Variants in KRT9 observed in about 807,000 individuals in gnomAD.
KRT9 encodes keratin, type I cytoskeletal 9.
Under a neutral mutation model 51.4 loss-of-function variants are expected in KRT9, and 34 were observed. The observed-to-expected ratio is 0.66, with a 90% confidence interval of 0.50 to 0.88. KRT9 has a LOEUF of 0.88. Ranked by LOEUF, KRT9 falls within the 40% of genes least tolerant of loss-of-function variation. The pLI, the probability that KRT9 is intolerant of heterozygous loss-of-function variation, is 0.00. For missense variants in KRT9, 753 were observed against 790.3 expected (o/e 0.95, Z 0.57); for synonymous variants, 292 against 289.7 (o/e 1.01, Z -0.08).
chr17:41,570,084 G>T, intron 2 of KRT9, 54 bp downstream of exon 2: 1 of 1,612,418 alleles, frequency 6.2e-7, no homozygotes, highest in South Asian at 1.1e-5. Context: ...CCAGAGCACT[G>T]AGGTTCAGGG....
In KRT9 at chr17:41,567,492, ACTATGACCACCTCCACTTCCTCCG is replaced by A. The variant is rs1567731146; in HGVS notation, c.1629_1652del (p.Gly549_Gly556del). ...CTCCATAGTTGCCCCCACTTCCTCC[ACTATGACCACCTCCACTTCCTCCG>A]CTATGGCCACCTCCACTTCCTCCAC... On this transcript the variant is annotated inframe_deletion, in exon 7 of 8. Transcript: ENST00000246662. 5.8e-6 allele frequency: 9 copies of A among 1,547,140 alleles called. No homozygotes were observed. Among genetic ancestry groups the A allele is most frequent in the Non-Finnish European group, 7.9e-6 (9 of 1,146,360 alleles).
rs752868539 is a variant in KRT9 at position 41,571,713 on chromosome 17, A to T, written c.280T>A (p.Ser94Thr). 3.2e-5 allele frequency: 51 copies of T among 1,610,734 alleles called. No individual in the cohort carries two copies. Among genetic ancestry groups the T allele is most frequent in the Non-Finnish European group, 4.2e-5 (49 of 1,178,586 alleles). The change falls in exon 1 of 8, where the codon TCC (serine) becomes ACC (threonine). Residue 94 changes from serine (S) to threonine (T), a missense_variant. By Grantham distance (58) the Ser-to-Thr change is moderately conservative (BLOSUM62 1). Transcript: ENST00000246662. The stretch of plus-strand genomic sequence containing the variant: ...CCAGAAGCACCACCAAAACCTCTGG[A>T]ACCACCCCCAAAGCCACCGCCTAAA... ...SSLGGGFGGG[S>T]RGFGGASGGG...
intron 3 of KRT9, 91 bp downstream of exon 3, chr17:41,569,766 GGT>G: frequency 6.5e-7 from 1 of 1,529,076 alleles, no homozygotes; most frequent in Non-Finnish European, 9.1e-7. Flanking sequence ...CAAAGGAGAG[GGT>G]GTCTCCCAGG....
chr17:41,565,861 T>C lies in KRT9; in HGVS notation c.*332A>G, dbSNP rs1032281865. 6.6e-6 allele frequency: 1 copy of C among 152,024 alleles called. No individual in the cohort carries two copies. Among genetic ancestry groups the C allele is most frequent in the Admixed American group, 6.6e-5 (1 of 15,256 alleles). The allele number at this position is 152,024 out of a possible 1,614,324, so 9.4% of individuals were successfully genotyped here. Reference sequence around the variant, plus strand: ...TTTGATTTGCAGTAGGGAAGCTTTATTATAGTCAAGATCGTGCAGGGTGTG... The same window carrying C: ...TTTGATTTGCAGTAGGGAAGCTTTACTATAGTCAAGATCGTGCAGGGTGTG... On this transcript the variant is annotated 3_prime_UTR_variant, in exon 8 of 8. Coordinates refer to ENST00000246662, the MANE Select transcript of KRT9 (RefSeq NM_000226.4).
At chr17:41,567,964 C>T (rs140393436) in intron 6 of KRT9, among the ~76,000 whole-genome samples, 198 bp downstream of exon 6, 1 of 152,146 alleles carries the variant, frequency 6.6e-6, no homozygotes, top group East Asian at 1.9e-4. Flanking sequence ...GGAGGCAGCC[C>T]GTTCTCTCAG....
In KRT9 at chr17:41,571,388, G is replaced by A. The variant is rs748069649; in HGVS notation, c.605C>T (p.Ser202Phe). ...ATCATCAATAGTGTTATAATAAGGG[G>A]AGTAGTTCTTCTGGATAGCAGCAGG... is the stretch of plus-strand genomic sequence containing the variant. ...KGPAAIQKNY[S>F]PYYNTIDDLK... Residue 202 changes from serine (S) to phenylalanine (F), a missense_variant, in exon 1 of 8, where the codon TCC (serine) becomes TTC (phenylalanine). By Grantham distance (155) the Ser-to-Phe change is radical. Coordinates refer to ENST00000246662, the MANE Select transcript of KRT9 (RefSeq NM_000226.4). The A allele has an allele frequency of 3.1e-6, 5 of 1,614,068 alleles. No homozygotes were observed. The African/African-American group carries it at 6.7e-5, about 22-fold the overall frequency.
rs2144567813 is a variant in KRT9 at position 41,567,696 on chromosome 17, G to A, written c.1449C>T (p.Gly483=). The A allele has an allele frequency of 1.9e-6, 3 of 1,613,838 alleles. No homozygotes were observed. Among genetic ancestry groups the A allele is most frequent in the African/African-American group, 2.7e-5 (2 of 74,986 alleles). The part of the protein sequence containing the change: ...IGLGGRGGSG[G]SYGRGSRGGS... ...CTCCCCTGGATCCTCTTCCATAACT[G>A]CCTCCACTTCCTCCTCGACCTCCAA... The change falls in exon 7 of 8, where the codon GGC becomes GGT. Residue 483 remains glycine, a synonymous_variant. Transcript: ENST00000246662.
In KRT9 at chr17:41,567,712, C is replaced by T. The variant is rs376407648; in HGVS notation, c.1433G>A (p.Arg478Gln). Reference protein sequence around the residue: ...SGAGKIGLGGRGGSGGSYGRG... With the variant: ...SGAGKIGLGGQGGSGGSYGRG... The stretch of plus-strand genomic sequence containing the variant: ...TCCATAACTGCCTCCACTTCCTCCT[C>T]GACCTCCAAGGCCAATTTTTCCAGC... The change falls in exon 7 of 8, where the codon CGA (arginine) becomes CAA (glutamine). Residue 478 changes from arginine to glutamine, a missense_variant. This residue lies in a region of KRT9 where 507 missense variants were observed against 563.7 expected (regional missense o/e 0.90). Coordinates refer to ENST00000246662, the MANE Select transcript of KRT9 (RefSeq NM_000226.4). The T allele has an allele frequency of 8.1e-6, 13 of 1,614,080 alleles. No homozygotes were observed. The highest frequency in any genetic ancestry group is 2.2e-5 in the East Asian group (1 of 44,902).
Position 41,570,168 on chromosome 17 carries a change from G to A in KRT9, c.695C>T (p.Thr232Ile). The A allele has an allele frequency of 1.9e-6, 3 of 1,614,136 alleles. No individual in the cohort carries two copies. Among genetic ancestry groups the A allele is most frequent in the Non-Finnish European group, 2.5e-6 (3 of 1,180,002 alleles). Residue 232 changes from threonine to isoleucine, a missense_variant, in exon 2 of 8, where the codon ACT (threonine) becomes ATT (isoleucine). Coordinates refer to ENST00000246662, the MANE Select transcript of KRT9 (RefSeq NM_000226.4). ...NNKTLLDIDN[T>I]RMTLDDFRIK... ...CCTGAAGTCATCCAGTGTCATGCGA[G>A]TGTTGTCAATGTCCAGGAGAGTTTT...
intron 3 of KRT9, 26 bp downstream of exon 3, chr17:41,569,833 G>C (rs1567732327): frequency 1.2e-6 from 2 of 1,613,686 alleles, no homozygotes; most frequent in South Asian, 1.1e-5. Flanking sequence ...CCTCTTCCCG[G>C]TAAGCCATAA....
At chr17:41,567,867 G>A (rs1401700579) in intron 6 of KRT9, 117 bp from the exon 7 acceptor site, 1 of 1,559,332 alleles carries the variant, frequency 6.4e-7, no homozygotes, top group Non-Finnish European at 8.6e-7. Context: ...CTTCCTGGGA[G>A]GCAGAGGACA....
rs778489432 is a variant in KRT9, at chr17:41,568,374, C to T, written c.1182G>A (p.Leu394=). 9 of 1,614,144 alleles carry T rather than the reference C, an allele frequency of 5.6e-6. No homozygotes were observed. In the Admixed American group the frequency reaches 1.5e-4, roughly 27 times the overall value. ...TCTTCGTGTCTTCCAAGCTCTTCTC[C>T]AGAGCTGCTTTCTAAGGGTTAGGAG... ...LQSQLSKKAA[L]EKSLEDTKNR... Residue 394 remains leucine, a synonymous_variant, in exon 6 of 8, where the codon CTG becomes CTA. Transcript: ENST00000246662.
Position 41,569,530 on chromosome 17 carries a change from C to A in KRT9, c.940G>T (p.Ala314Ser), listed in dbSNP as rs1280393115. ...SGDVNVEINV[A>S]PGKDLTKTLN... ...GTCTTGGTGAGATCTTTGCCAGGAG[C>A]AACGTTTATCTCCACATTGACATCT... The change falls in exon 4 of 8, where the codon GCT becomes TCT. Residue 314 changes from alanine to serine, a missense_variant. Ala to Ser is a moderately conservative substitution (Grantham distance 99, BLOSUM62 1). This residue lies in a region of KRT9 where 507 missense variants were observed against 563.7 expected (regional missense o/e 0.90). Transcript: ENST00000246662. 1.9e-6 allele frequency: 3 copies of A among 1,614,036 alleles called. No homozygotes were observed. Among genetic ancestry groups the A allele is most frequent in the African/African-American group, 1.3e-5 (1 of 74,922 alleles).
chr17:41,570,240 G>A lies in KRT9; in HGVS notation c.643-20C>T, dbSNP rs778888576. 10 of 1,604,796 alleles carry A rather than the reference G, an allele frequency of 6.2e-6. No individual in the cohort carries two copies. The highest frequency in any genetic ancestry group is 5.0e-5 in the Admixed American group (3 of 59,986). On this transcript the variant is annotated intron_variant, in intron 1 of 7. Transcript: ENST00000246662. ...CACAATCTGAAAAAAAAAGGACACA[G>A]CCATGATATCATGCTGTGGACCACT... is the stretch of plus-strand genomic sequence containing the variant.
At chr17:41,569,331 G>A (rs1567732088) in intron 4 of KRT9, 95 bp downstream of exon 4, 1 of 1,226,830 alleles carries the variant, frequency 8.2e-7, no homozygotes, top group Non-Finnish European at 1.2e-6. Flanking sequence ...ACTGAGAGAT[G>A]CAGAGATAGG....
intron 6 of KRT9, 22 bp from the exon 7 acceptor site, chr17:41,567,772 A>T (rs1369482563): frequency 6.2e-7 from 1 of 1,613,898 alleles, no homozygotes; most frequent in Non-Finnish European, 8.5e-7. Flanking sequence ...AGAAAACAAG[A>T]GAGTTAAAAT....
In KRT9 at chr17:41,571,680, A is replaced by G; in HGVS notation, c.313T>C (p.Tyr105His). The G allele has an allele frequency of 1.9e-6, 3 of 1,604,668 alleles. 1 individual carries two copies. In the South Asian group the frequency reaches 3.3e-5, roughly 18 times the overall value. ...CCTCCAAAACCCCCAGAACTACTAT[A>G]GCCTCCTCCAGAAGCACCACCAAAA... ...RGFGGASGGG[Y>H]SSSGGFGGGF... The change falls in exon 1 of 8, where the codon TAT (tyrosine) becomes CAT (histidine). Residue 105 changes from tyrosine to histidine, a missense_variant. Around this residue, in one of 3 missense-constraint regions of KRT9, gnomAD observed 241 missense variants for 210.3 expected, o/e 1.15. Coordinates refer to ENST00000246662, the MANE Select transcript of KRT9 (RefSeq NM_000226.4).
intron 6 of KRT9, among the ~76,000 whole-genome samples, 197 bp downstream of exon 6, chr17:41,567,965 G>A (rs374422896): frequency 3.3e-5 from 5 of 152,198 alleles, no homozygotes; most frequent in Non-Finnish European, 5.9e-5. Flanking sequence ...GAGGCAGCCC[G>A]TTCTCTCAGT....
chr17:41,571,666 C>T lies in KRT9; in HGVS notation c.327G>A (p.Gly109=), dbSNP rs1301086987. The T allele has an allele frequency of 1.5e-5, 24 of 1,604,140 alleles. No individual in the cohort carries two copies. The highest frequency in any genetic ancestry group is 1.9e-5 in the Non-Finnish European group (22 of 1,175,270). Residue 109 remains glycine, a synonymous_variant, in exon 1 of 8, where the codon GGG becomes GGA. Coordinates refer to ENST00000246662, the MANE Select transcript of KRT9 (RefSeq NM_000226.4). ...GASGGGYSSS[G]GFGGGFGGGS... ...CACCACCAAAGCCACCTCCAAAACC[C>T]CCAGAACTACTATAGCCTCCTCCAG...
Sources: gnomAD v4.1 joint callset for allele counts (sites outside exome capture counted in the v4.1 genomes callset) on GRCh38, gnomAD v4.1.1 for gene constraint, gnomAD v4.1.1 regional missense constraint, MANE v1.5 for transcripts, NCBI Gene and HGNC (gene_info 2026-07-23, HGNC 2026-07-21) for gene names.